BCKDHB: variants seen among roughly 807,000 people sequenced by gnomAD.
BCKDHB encodes 2-oxoisovalerate dehydrogenase subunit beta, mitochondrial.
BCKDHB carries 41 observed loss-of-function variants against 48.5 expected under a neutral mutation model. That is an observed-to-expected ratio of 0.85 (90% CI 0.66 to 1.10). The LOEUF (loss-of-function observed/expected upper bound fraction) is 1.10. BCKDHB is among the 50% of genes least tolerant of loss of function. The pLI is 0.00. For missense variants in BCKDHB, 496 were observed against 494.2 expected (o/e 1.00, Z -0.03); for synonymous variants, 201 against 174.8 (o/e 1.15, Z -1.18).
chr6:80,331,982 G>T (rs1166623346), intron 9 of BCKDHB, among the ~76,000 whole-genome samples: 5 of 152,146 alleles, frequency 3.3e-5, no homozygotes, highest in African/African-American at 7.2e-5. Context: ...TGAAAATGAT[G>T]AAATTTAATG....
intron 8 of BCKDHB, among the ~76,000 whole-genome samples, chr6:80,226,861 G>A: frequency 6.6e-6 from 1 of 152,224 alleles, no homozygotes; most frequent in East Asian, 1.9e-4. Context: ...GGACTCCGTA[G>A]TCTGGTTATG....
the BCKDHB span, among the ~76,000 whole-genome samples, chr6:80,416,004 G>T: frequency 0.011 from 1,678 of 151,796 alleles, 16 homozygotes; most frequent in African/African-American, 0.026. Context: ...TTTTGGGAGG[G>T]TGTATTTCTT....
chr6:80,163,311 C>CTTTTTT (rs34383985), intron 3 of BCKDHB, among the ~76,000 whole-genome samples: 1 of 138,100 alleles, frequency 7.2e-6, no homozygotes. Flanking sequence ...TGCAATTAAG[C>CTTTTTT]TTTTTTTTTT....
At chr6:80,310,339 G>A (rs1412255155) in intron 9 of BCKDHB, among the ~76,000 whole-genome samples, 1 of 152,162 alleles carries the variant, frequency 6.6e-6, no homozygotes, top group African/African-American at 2.4e-5. Context: ...ACTTATAAGT[G>A]AGAACATGTG....
intron 3 of BCKDHB, among the ~76,000 whole-genome samples, chr6:80,165,954 C>G (rs1772547315): frequency 6.6e-6 from 1 of 152,160 alleles, no homozygotes; most frequent in South Asian, 2.1e-4. Context: ...AATTTTCAAC[C>G]ACTGGTAGCC....
intron 6 of BCKDHB, among the ~76,000 whole-genome samples, chr6:80,179,437 C>T (rs2127788831): frequency 6.6e-6 from 1 of 152,168 alleles, no homozygotes; most frequent in South Asian, 2.1e-4. Flanking sequence ...TACAGTATAG[C>T]AGCCATTTAC....
the BCKDHB span, among the ~76,000 whole-genome samples, chr6:80,426,414 C>T: frequency 6.6e-6 from 1 of 152,094 alleles, no homozygotes; most frequent in Non-Finnish European, 1.5e-5. Flanking sequence ...AAGATGGAAG[C>T]TTAGATCATT....
intron 8 of BCKDHB, among the ~76,000 whole-genome samples, chr6:80,222,937 C>G (rs970021154): frequency 2.0e-5 from 3 of 152,036 alleles, no homozygotes; most frequent in African/African-American, 7.2e-5. Context: ...AGTTTCTTAG[C>G]CCACATTAGA....
At chr6:80,428,627 G>C in the BCKDHB span, among the ~76,000 whole-genome samples, 1 of 152,164 alleles carries the variant, frequency 6.6e-6, no homozygotes, top group South Asian at 2.1e-4. Flanking sequence ...GACCAGTGAT[G>C]ATGAGCATTT....
chr6:80,341,875 A>G (rs557143849), intron 9 of BCKDHB, among the ~76,000 whole-genome samples: 1 of 152,322 alleles, frequency 6.6e-6, no homozygotes, highest in South Asian at 2.1e-4. Flanking sequence ...CTTTAAAATT[A>G]CTTGTTGCAA....
At chr6:80,110,761 T>C (rs984966092) in intron 1 of BCKDHB, among the ~76,000 whole-genome samples, 6 of 152,208 alleles carry the variant, frequency 3.9e-5, no homozygotes, top group Non-Finnish European at 7.3e-5. Flanking sequence ...AGCCCAGGGG[T>C]AAGTAATACC....
chr6:80,271,707 A>G (rs1777751541), intron 8 of BCKDHB, among the ~76,000 whole-genome samples: 1 of 152,056 alleles, frequency 6.6e-6, no homozygotes, highest in Non-Finnish European at 1.5e-5. Flanking sequence ...TATGTTGGCC[A>G]AGTTCTGAGT....
At chr6:80,425,832 G>A in the BCKDHB span, among the ~76,000 whole-genome samples, 2 of 152,172 alleles carry the variant, frequency 1.3e-5, no homozygotes, top group Non-Finnish European at 2.9e-5. Flanking sequence ...TGAGACAAAT[G>A]TAACATCTCT....
At chr6:80,172,663 T>A (rs924773103) in intron 6 of BCKDHB, among the ~76,000 whole-genome samples, 1 of 152,234 alleles carries the variant, frequency 6.6e-6, no homozygotes, top group African/African-American at 2.4e-5. Flanking sequence ...TGTACAGTAT[T>A]GTTTAATAAG....
chr6:80,323,523 T>A (rs894337724), intron 9 of BCKDHB, among the ~76,000 whole-genome samples: 1 of 152,218 alleles, frequency 6.6e-6, no homozygotes, highest in Non-Finnish European at 1.5e-5. Context: ...CATTCTAGCG[T>A]ATAGACCAAT....
intron 9 of BCKDHB, among the ~76,000 whole-genome samples, chr6:80,336,565 T>A (rs1421222803): frequency 2.6e-5 from 4 of 151,876 alleles, no homozygotes; most frequent in Non-Finnish European, 5.9e-5. Flanking sequence ...GAGATGGATT[T>A]TTTTTTAAGT....
chr6:80,365,752 TTAAAG>T, the BCKDHB span, among the ~76,000 whole-genome samples: 70,905 of 151,450 alleles, frequency 0.47, 17,966 homozygotes, highest in Non-Finnish European at 0.59. Context: ...GATTAAGAGA[TTAAAG>T]TAAAGAGAGA....
chr6:80,289,413 T>C (rs1265764684), intron 9 of BCKDHB, among the ~76,000 whole-genome samples: 1 of 151,080 alleles, frequency 6.6e-6, no homozygotes, highest in Non-Finnish European at 1.5e-5. Flanking sequence ...AGACATAAGG[T>C]TAAGATGGCT....
intron 1 of BCKDHB, among the ~76,000 whole-genome samples, chr6:80,123,658 A>G (rs950136320): frequency 2.0e-5 from 3 of 152,214 alleles, no homozygotes; most frequent in Non-Finnish European, 4.4e-5. Context: ...CATTTCTTCT[A>G]GATTTTCTAG....
Sources: allele counts gnomAD v4.1 joint callset (sites outside exome capture counted in the v4.1 genomes callset), GRCh38; gene constraint gnomAD v4.1.1; transcripts MANE v1.5; gene names NCBI Gene and HGNC (gene_info 2026-07-23, HGNC 2026-07-21).